ADA2: variants seen among roughly 807,000 people sequenced by gnomAD.
ADA2 encodes the protein adenosine deaminase 2, also known as adenosine deaminase CECR1.
In ADA2, 29 loss-of-function variants were observed where a neutral mutation model predicts 44.2. The ratio of observed to expected loss-of-function variants is 0.66; its 90% CI spans 0.49 to 0.89. The LOEUF (loss-of-function observed/expected upper bound fraction) is 0.89, where lower values mean the gene tolerates loss of function less well. Ranked by LOEUF, ADA2 falls within the 40% of genes least tolerant of loss-of-function variation. The pLI is 0.00. For synonymous variants in ADA2, 215 were observed against 234.9 expected (o/e 0.92, Z 0.77); for missense variants, 637 against 644.8 (o/e 0.99, Z 0.13).
chr22:17,201,318 C>T (rs2062284445), intron 4 of ADA2, among the ~76,000 whole-genome samples: 1 of 152,164 alleles, frequency 6.6e-6, no homozygotes, highest in South Asian at 2.1e-4. Flanking sequence ...ACATCTATCC[C>T]TTATGAATTT....
In ADA2 at chr22:17,190,187, C is replaced by A. The variant is rs1601433800; in HGVS notation, c.882-155G>T. The stretch of plus-strand genomic sequence containing the variant: ...CCCTGCCCTCCTGACCCCACCCTGA[C>A]CAGGCCATTGTGATCCCTGAGAGAT... On this transcript the variant is annotated intron_variant, in intron 5 of 9. Transcript: ENST00000399837. Among the ~76,000 whole-genome samples the A allele has an allele frequency of 2.0e-5, 3 of 152,366 alleles. 1 individual carries two copies. Among genetic ancestry groups the A allele is most frequent in the Admixed American group, 2.0e-4 (3 of 15,310 alleles).
At chr22:17,189,359 T>C (rs1467629794) in intron 6 of ADA2, among the ~76,000 whole-genome samples, 1 of 152,132 alleles carries the variant, frequency 6.6e-6, no homozygotes, top group East Asian at 1.9e-4. Flanking sequence ...ATGTCCTGGT[T>C]GTGCTTCGAT....
chr22:17,195,975 C>T (rs2062185685), intron 4 of ADA2, among the ~76,000 whole-genome samples: 1 of 151,928 alleles, frequency 6.6e-6, no homozygotes, highest in Non-Finnish European at 1.5e-5. Context: ...TCTTGAACTC[C>T]TGACCTCATG....
Position 17,188,366 on chromosome 22 carries a change from G to T in ADA2, c.1054C>A (p.Pro352Thr). 6.2e-7 allele frequency: 1 copy of T among 1,614,022 alleles called. No homozygotes were observed. Among genetic ancestry groups the T allele is most frequent in the Non-Finnish European group, 8.5e-7 (1 of 1,179,916 alleles). ...GTTTCTCCGGCGTGGAAGAAGTAAG[G>T]CAGCTTAACGCCATCCTTGGCGGGG... ...MIPAKDGVKL[P>T]YFFHAGETDW... Residue 352 changes from proline to threonine, a missense_variant, in exon 7 of 10, where the codon CCT becomes ACT. Coordinates refer to ENST00000399837, the MANE Select transcript of ADA2 (RefSeq NM_001282225.2).
At position 17,181,506 on chromosome 22, in the gene ADA2, T is replaced by C; in HGVS notation, c.1513A>G (p.Ile505Val). 1 of 1,613,036 alleles carries C rather than the reference T, an allele frequency of 6.2e-7. No individual in the cohort carries two copies. The highest frequency in any genetic ancestry group is 8.5e-7 in the Non-Finnish European group (1 of 1,178,986). The change falls in exon 10 of 10, where the codon ATA becomes GTA. Residue 505 changes from isoleucine to valine, a missense_variant. Ile to Val is a conservative substitution (Grantham distance 29, BLOSUM62 3). Transcript: ENST00000399837. ...CCTCACTTTGTAGCCACATCTGCTA[T>C]GAACTTATCCCATCTCTTCTTCCAG... ...EIWKKRWDKF[I>V]ADVATK is the part of the protein sequence containing the mutation.
At chr22:17,206,784 A>C (rs2062357613) in intron 3 of ADA2, among the ~76,000 whole-genome samples, 1 of 151,974 alleles carries the variant, frequency 6.6e-6, no homozygotes, top group South Asian at 2.1e-4. Context: ...TCAGCCTCCC[A>C]AGTACCTGGG....
chr22:17,182,092 G>T, intron 8 of ADA2, 70 bp from the exon 9 acceptor site: 1 of 1,262,838 alleles, frequency 7.9e-7, no homozygotes, highest in Non-Finnish European at 1.1e-6. Flanking sequence ...AGTGAGGTGA[G>T]ACCTTGAGCC....
At chr22:17,220,380 G>A (rs1407546584), upstream of ADA2, among the ~76,000 whole-genome samples, 3 of 152,050 alleles carry the variant, frequency 2.0e-5, no homozygotes, top group African/African-American at 7.2e-5. Context: ...CCTTAGCACT[G>A]TAGCAGTGGG....
intron 7 of ADA2, among the ~76,000 whole-genome samples, chr22:17,184,549 T>C (rs2062013542): frequency 6.6e-6 from 1 of 152,258 alleles, no homozygotes; most frequent in Middle Eastern, 3.4e-3. Context: ...TTACGTGAGA[T>C]AACAAATGTC....
intron 3 of ADA2, 74 bp from the exon 4 acceptor site, chr22:17,203,847 T>TACCC: frequency 1.1e-6 from 1 of 932,378 alleles, no homozygotes; most frequent in South Asian, 1.4e-5. Context: ...ATAGGACTGC[T>TACCC]ACCCACCTTG....
intron 1 of ADA2, among the ~76,000 whole-genome samples, chr22:17,216,532 C>T (rs560945944): frequency 2.6e-5 from 4 of 151,894 alleles, no homozygotes; most frequent in South Asian, 4.1e-4. Context: ...TTAGGGAGGC[C>T]GAGGCAGGTG....
chr22:17,187,285 G>C (rs1180238432), intron 7 of ADA2, among the ~76,000 whole-genome samples: 1 of 151,942 alleles, frequency 6.6e-6, no homozygotes, highest in East Asian at 1.9e-4. Context: ...CTCCCTAAGT[G>C]CTAGAATTAC....
At chr22:17,215,577 G>T (rs1295300696) in intron 1 of ADA2, among the ~76,000 whole-genome samples, 1 of 150,760 alleles carries the variant, frequency 6.6e-6, no homozygotes, top group African/African-American at 2.5e-5. Context: ...TTGCACTCCA[G>T]CCTGGGCGAC....
intron 9 of ADA2, 107 bp from the exon 10 acceptor site, chr22:17,181,683 G>T: frequency 9.3e-7 from 1 of 1,079,582 alleles, no homozygotes; most frequent in Non-Finnish European, 1.4e-6. Flanking sequence ...CCCCAGGCCA[G>T]CAGCAAGGAC....
Position 17,182,502 on chromosome 22 carries a change from AAG to A in ADA2, c.1239+100_1239+101del, listed in dbSNP as rs2061983688. The A allele has an allele frequency of 1.6e-5, 19 of 1,180,314 alleles. No individual in the cohort carries two copies. In the South Asian group the frequency reaches 2.5e-4, roughly 15 times the overall value. The allele number at this position is 1,180,314 out of a possible 1,614,324, so 73.1% of individuals were successfully genotyped here. A position where few individuals can be genotyped will look rare whatever the true frequency, so the allele number is the denominator to read the frequency against. On this transcript the variant is annotated intron_variant, in intron 8 of 9. Transcript: ENST00000399837. ...AGGAGAGTGGAGGGATGTAGGTAAC[AAG>A]AGAGTTAAGGAGAGATAAGTTATAC...
Position 17,208,410 on chromosome 22 carries a change from C to A in ADA2, c.322+946G>T, listed in dbSNP as rs564679335. 1.6e-4 allele frequency among the ~76,000 whole-genome samples: 18 copies of A among 111,226 alleles called. 1 individual carries two copies. Among genetic ancestry groups the A allele is most frequent in the African/African-American group, 5.6e-4 (16 of 28,392 alleles). 73.0% of individuals were successfully genotyped at this position (111,226 alleles called of 152,430 possible). A position where few individuals can be genotyped will look rare whatever the true frequency, so the allele number is the denominator to read the frequency against. On this transcript the variant is annotated intron_variant, in intron 2 of 9. Transcript: ENST00000399837. ...CCGCACTCCAGCCTGGGCGACAGAA[C>A]AAGACTCCGTCTCAAAAAAAAAAAG...
intron 4 of ADA2, among the ~76,000 whole-genome samples, chr22:17,194,579 G>A (rs903915230): frequency 7.9e-5 from 12 of 152,152 alleles, no homozygotes; most frequent in African/African-American, 2.2e-4. Flanking sequence ...TTCCTCTGCT[G>A]CCCCCATGAA....
At position 17,181,332 on chromosome 22, in the gene ADA2, G is replaced by A. The variant is rs2061965765; in HGVS notation, c.*151C>T. ...CTGAGAGAGAATATTTCCAGAGGAT[G>A]AATTTGCTCAGCCAGCCAAGTGCTT... On this transcript the variant is annotated 3_prime_UTR_variant, in exon 10 of 10. Coordinates refer to ENST00000399837, the MANE Select transcript of ADA2 (RefSeq NM_001282225.2). The A allele has an allele frequency of 4.5e-6, 3 of 661,746 alleles. No individual in the cohort carries two copies. Among genetic ancestry groups the A allele is most frequent in the East Asian group, 5.2e-5 (2 of 38,718 alleles). The allele number at this position is 661,746 out of a possible 1,614,324, so 41.0% of individuals were successfully genotyped here. A position where few individuals can be genotyped will look rare whatever the true frequency, so the allele number is the denominator to read the frequency against.
chr22:17,203,681 A>G lies in ADA2; in HGVS notation c.635T>C (p.Phe212Ser), dbSNP rs1268480139. Residue 212 changes from phenylalanine (F) to serine (S), a missense_variant, in exon 4 of 10, where the codon TTC becomes TCC. Transcript: ENST00000399837. ...VVWSKFETIF[F>S]TISGLIHYAP... The stretch of plus-strand genomic sequence containing the variant: ...GTAATGGATGAGACCAGAGATGGTG[A>G]AGAAGATGGTTTCAAATTTCGACCA... 1.3e-5 allele frequency: 21 copies of G among 1,614,070 alleles called. No homozygotes were observed. Among genetic ancestry groups the G allele is most frequent in the Non-Finnish European group, 1.8e-5 (21 of 1,179,922 alleles).
Sources: allele counts gnomAD v4.1 joint callset (sites outside exome capture counted in the v4.1 genomes callset), GRCh38; gene constraint gnomAD v4.1.1; transcripts MANE v1.5; gene names NCBI Gene and HGNC (gene_info 2026-07-23, HGNC 2026-07-21).